Variants in HS6ST3 observed in about 807,000 individuals in gnomAD.
HS6ST3 encodes the protein heparan-sulfate 6-O-sulfotransferase 3.
In HS6ST3, 12 loss-of-function variants were observed where a neutral mutation model predicts 36.7. That is an observed-to-expected ratio of 0.33 (90% confidence interval 0.21 to 0.53). The LOEUF (loss-of-function observed/expected upper bound fraction) is 0.53, where lower values mean the gene tolerates loss of function less well. Among genes scored for constraint, HS6ST3 ranks in the 20% least tolerant of loss-of-function variants. The probability of loss-of-function intolerance (pLI) is 0.95; values close to 1 mark genes in which losing one functional copy is unlikely to be tolerated. For missense variants in HS6ST3, 584 were observed against 640.9 expected, an observed-to-expected ratio of 0.91 and a Z score of 0.96; for synonymous variants, 240 against 257.5, an observed-to-expected ratio of 0.93 and a Z score of 0.65.
intron 1 of HS6ST3, among the ~76,000 whole-genome samples, chr13:96,142,179 A>G (rs1042594726): frequency 1.3e-5 from 2 of 152,220 alleles, no homozygotes; most frequent in Admixed American, 1.3e-4. Flanking sequence ...TTCATCCATT[A>G]GTATACTAAA....
rs979815019 is a variant in HS6ST3, at chr13:96,230,839, A to C, written c.707+139270A>C. 5.3e-5 allele frequency among the ~76,000 whole-genome samples: 8 copies of C among 152,324 alleles called. 1 individual carries two copies. In the South Asian group the frequency reaches 1.2e-3, roughly 24 times the overall value. ...AAAGACAGATGGTTCATGATATAGCAGAGAAAGGAGGCAGGGTCCTGAAAA... is the reference window on the plus strand; with the variant it reads ...AAAGACAGATGGTTCATGATATAGCCGAGAAAGGAGGCAGGGTCCTGAAAA... On this transcript the variant is annotated intron_variant, in intron 1 of 1. Transcript: ENST00000376705.
At chr13:96,145,423 C>T (rs1271375732) in intron 1 of HS6ST3, among the ~76,000 whole-genome samples, 1 of 151,958 alleles carries the variant, frequency 6.6e-6, no homozygotes, top group Non-Finnish European at 1.5e-5. Context: ...AGCATTTTTT[C>T]ATGTGTCTTT....
intron 1 of HS6ST3, among the ~76,000 whole-genome samples, chr13:96,211,352 C>T (rs1347289907): frequency 6.6e-6 from 1 of 152,216 alleles, no homozygotes; most frequent in Non-Finnish European, 1.5e-5. Flanking sequence ...CACCCACCCA[C>T]TCTGACTCCA....
chr13:96,192,212 A>T (rs988122547), intron 1 of HS6ST3, among the ~76,000 whole-genome samples: 1 of 152,186 alleles, frequency 6.6e-6, no homozygotes, highest in Non-Finnish European at 1.5e-5. Context: ...TATTATTACT[A>T]TTATTAGTGG....
intron 1 of HS6ST3, among the ~76,000 whole-genome samples, chr13:96,678,145 G>A (rs2056705658): frequency 6.6e-6 from 1 of 152,052 alleles, no homozygotes; most frequent in South Asian, 2.1e-4. Context: ...AAAGCAAGAG[G>A]GGAATGAACT....
chr13:96,798,858 A>T (rs572681857), intron 1 of HS6ST3, among the ~76,000 whole-genome samples: 6 of 152,220 alleles, frequency 3.9e-5, no homozygotes, highest in Non-Finnish European at 7.4e-5. Context: ...TCAAGGTGTC[A>T]GCAGGTTTGC....
chr13:96,727,057 GTCTATCTT>G (rs1482826718), intron 1 of HS6ST3, among the ~76,000 whole-genome samples: 4 of 152,090 alleles, frequency 2.6e-5, no homozygotes, highest in Admixed American at 2.6e-4. Context: ...TTTGATTAAA[GTCTATCTT>G]TCTATCAGTT....
At chr13:96,781,069 C>T (rs1347695710) in intron 1 of HS6ST3, among the ~76,000 whole-genome samples, 1 of 152,138 alleles carries the variant, frequency 6.6e-6, no homozygotes, top group Non-Finnish European at 1.5e-5. Flanking sequence ...AGGCAGATAG[C>T]TGTGTCTGTC....
intron 1 of HS6ST3, among the ~76,000 whole-genome samples, chr13:96,437,776 C>G (rs2055650380): frequency 6.6e-6 from 1 of 152,218 alleles, no homozygotes; most frequent in Non-Finnish European, 1.5e-5. Context: ...AACAGAACTG[C>G]TATTGACAGT....
At chr13:96,563,408 T>C (rs2056269777) in intron 1 of HS6ST3, among the ~76,000 whole-genome samples, 2 of 152,216 alleles carry the variant, frequency 1.3e-5, no homozygotes, top group Non-Finnish European at 2.9e-5. Context: ...TTTGTTTTTC[T>C]TGGACAGTTC....
At chr13:96,569,422 A>G (rs2056293238) in intron 1 of HS6ST3, among the ~76,000 whole-genome samples, 1 of 152,184 alleles carries the variant, frequency 6.6e-6, no homozygotes, top group South Asian at 2.1e-4. Context: ...GAGCAGAGAG[A>G]TGGAAAGAGC....
rs557105948 is a variant in HS6ST3, at chr13:96,430,310, C to T, written c.707+338741C>T. 4.3e-4 allele frequency among the ~76,000 whole-genome samples: 65 copies of T among 152,288 alleles called. 2 individuals carry two copies. The South Asian group carries it at 0.013, about 31-fold the overall frequency. ...GGAATACAAATGATGTCACATTTAG[C>T]AGTCATATTCAAAATTGGCTGTCTT... On this transcript the variant is annotated intron_variant, in intron 1 of 1. Coordinates refer to ENST00000376705, the MANE Select transcript of HS6ST3 (RefSeq NM_153456.4).
At chr13:96,545,715 A>C (rs1002821080) in intron 1 of HS6ST3, among the ~76,000 whole-genome samples, 4 of 152,216 alleles carry the variant, frequency 2.6e-5, no homozygotes, top group Non-Finnish European at 4.4e-5. Flanking sequence ...CATTGTAAAG[A>C]TATATCAGTT....
At chr13:96,492,730 T>C (rs2055952979) in intron 1 of HS6ST3, among the ~76,000 whole-genome samples, 1 of 152,194 alleles carries the variant, frequency 6.6e-6, no homozygotes, top group African/African-American at 2.4e-5. Context: ...AGTCTTCTTA[T>C]ATATTAACAG....
chr13:96,233,293 G>A (rs955051423), intron 1 of HS6ST3, among the ~76,000 whole-genome samples: 5 of 152,076 alleles, frequency 3.3e-5, no homozygotes, highest in Non-Finnish European at 7.4e-5. Flanking sequence ...GTTATATAAG[G>A]TATTATATGC....
intron 1 of HS6ST3, among the ~76,000 whole-genome samples, chr13:96,690,559 A>G (rs1227449814): frequency 1.3e-5 from 2 of 152,098 alleles, no homozygotes; most frequent in Non-Finnish European, 2.9e-5. Context: ...GAAGGAATAA[A>G]TGCTGAGGAA....
intron 1 of HS6ST3, among the ~76,000 whole-genome samples, chr13:96,584,806 C>G (rs1292090681): frequency 6.6e-6 from 1 of 152,282 alleles, no homozygotes; most frequent in African/African-American, 2.4e-5. Context: ...GTGCATGGGA[C>G]AGTCCCATAC....
rs2053920796 is a variant in HS6ST3, at chr13:96,120,635, A to G, written c.707+29066A>G. On this transcript the variant is annotated intron_variant, in intron 1 of 1. Coordinates refer to ENST00000376705, the MANE Select transcript of HS6ST3 (RefSeq NM_153456.4). ...TTATTCAAATTTTATAAGGAGATAC[A>G]AATCTATGAATTTTTTTTGAAGAAC... is the stretch of plus-strand genomic sequence containing the variant. Among the ~76,000 whole-genome samples, 4 of 152,232 alleles carry G rather than the reference A, an allele frequency of 2.6e-5. No individual in the cohort carries two copies. The South Asian group carries it at 8.3e-4, about 32-fold the overall frequency.
intron 1 of HS6ST3, among the ~76,000 whole-genome samples, chr13:96,714,692 T>C (rs567658251): frequency 2.4e-4 from 37 of 152,232 alleles, no homozygotes; most frequent in African/African-American, 8.2e-4. Context: ...TAAGTAGATA[T>C]ATATTCTTTT....
Sources: allele counts gnomAD v4.1 joint callset (sites outside exome capture counted in the v4.1 genomes callset), GRCh38; gene constraint gnomAD v4.1.1; transcripts MANE v1.5; gene names NCBI Gene and HGNC (gene_info 2026-07-23, HGNC 2026-07-21).